The following ZNF385D variants were observed in gnomAD, a reference collection of about 807,000 sequenced individuals.
ZNF385D encodes the protein zinc finger protein 659.
Under a neutral mutation model 35.8 loss-of-function variants are expected in ZNF385D, and 15 were observed. The ratio of observed to expected loss-of-function variants is 0.42; its 90% confidence interval spans 0.28 to 0.64. ZNF385D has a LOEUF of 0.64. Ranked by LOEUF, ZNF385D falls within the 30% of genes least tolerant of loss-of-function variation. ZNF385D has a pLI of 0.23. For synonymous variants in ZNF385D, 212 were observed against 186.8 expected (o/e 1.13, Z -1.10); for missense variants, 474 against 494.6 (o/e 0.96, Z 0.39).
chr3:22,007,956 T>C (rs1264467862), intron 3 of ZNF385D, among the ~76,000 whole-genome samples: 4 of 152,038 alleles, frequency 2.6e-5, no homozygotes, highest in Non-Finnish European at 5.9e-5. Context: ...TGCTTTCTCA[T>C]ACCTATGTAC....
chr3:21,892,083 T>C (rs1410843423), intron 3 of ZNF385D, among the ~76,000 whole-genome samples: 4 of 152,192 alleles, frequency 2.6e-5, no homozygotes, highest in Non-Finnish European at 5.9e-5. Context: ...AAACTTTTCT[T>C]CAAAAATTAA....
At chr3:21,557,682 A>T (rs1375133771) in intron 3 of ZNF385D, among the ~76,000 whole-genome samples, 2 of 152,208 alleles carry the variant, frequency 1.3e-5, no homozygotes, top group African/African-American at 2.4e-5. Context: ...TCATAAAATA[A>T]GTTAGGGAGG....
intron 2 of ZNF385D, among the ~76,000 whole-genome samples, chr3:22,300,388 AT>A (rs34889320): frequency 0.68 from 99,637 of 147,172 alleles, 33,845 homozygotes; most frequent in African/African-American, 0.79. Flanking sequence ...CTGGGCAATG[AT>A]TTTTTTTTTT....
At chr3:21,486,909 A>G (rs998933391) in intron 4 of ZNF385D, among the ~76,000 whole-genome samples, 6 of 152,168 alleles carry the variant, frequency 3.9e-5, no homozygotes, top group African/African-American at 7.2e-5. Context: ...CATGCAAAGC[A>G]TTAGGAAAAT....
chr3:21,822,767 T>A (rs1176877099), intron 3 of ZNF385D, among the ~76,000 whole-genome samples: 1 of 152,002 alleles, frequency 6.6e-6, no homozygotes, highest in Non-Finnish European at 1.5e-5. Context: ...AGTATAATGA[T>A]ATTCATCAAC....
chr3:21,974,962 G>A (rs995913005), intron 3 of ZNF385D, among the ~76,000 whole-genome samples: 1 of 152,178 alleles, frequency 6.6e-6, no homozygotes, highest in Admixed American at 6.5e-5. Context: ...CTCGAACACT[G>A]TTAGTGGAAA....
rs151249038 is a variant in ZNF385D, at chr3:21,995,983, C to A, written c.325+172834G>T. Among the ~76,000 whole-genome samples, 227 of 152,212 alleles carry A rather than the reference C, an allele frequency of 1.5e-3. 1 individual carries two copies. Among genetic ancestry groups the A allele is most frequent in the South Asian group, 3.5e-3 (17 of 4,830 alleles). ...GACCTGGCTGCACCACTGAGTCTAG[C>A]TGACATCGTGATCCTGCAGCCCTTT... is the stretch of plus-strand genomic sequence containing the variant. On this transcript the variant is annotated intron_variant, in intron 3 of 5. Coordinates refer to the ZNF385D transcript ENST00000494108.
At chr3:22,136,999 G>A (rs537484616) in intron 3 of ZNF385D, among the ~76,000 whole-genome samples, 2 of 152,262 alleles carry the variant, frequency 1.3e-5, no homozygotes, top group African/African-American at 4.8e-5. Flanking sequence ...TCATGTAGTG[G>A]TGGATATATA....
chr3:21,433,629 G>T (rs1038186756), intron 5 of ZNF385D, among the ~76,000 whole-genome samples: 3 of 152,146 alleles, frequency 2.0e-5, no homozygotes, highest in Non-Finnish European at 4.4e-5. Flanking sequence ...TGTCTTCTCT[G>T]AATGCAGACA....
chr3:21,794,410 A>G (rs1345553509), intron 3 of ZNF385D, among the ~76,000 whole-genome samples: 2 of 152,092 alleles, frequency 1.3e-5, no homozygotes, highest in African/African-American at 4.8e-5. Context: ...GACAGAAAAC[A>G]CAGTGGATTA....
intron 4 of ZNF385D, among the ~76,000 whole-genome samples, chr3:21,449,351 C>T (rs1380656344): frequency 2.0e-5 from 3 of 151,506 alleles, no homozygotes; most frequent in Non-Finnish European, 2.9e-5. Context: ...TATTCCATTT[C>T]ACTCGTTGGG....
At chr3:21,601,568 T>G (rs556664803) in intron 2 of ZNF385D, among the ~76,000 whole-genome samples, 7 of 152,360 alleles carry the variant, frequency 4.6e-5, no homozygotes, top group Non-Finnish European at 1.0e-4. Context: ...AGCAACTTCT[T>G]CACTTTTATA....
chr3:22,028,151 G>T lies in ZNF385D; in HGVS notation c.325+140666C>A, dbSNP rs183513047. 1.0e-3 allele frequency among the ~76,000 whole-genome samples: 157 copies of T among 152,270 alleles called. 4 individuals are homozygous for T. In the East Asian group the frequency reaches 0.023, roughly 22 times the overall value. ...GCTTGGAAAACTGGTAACAAATTTGGGGAAGAGGTATGTGGATGGTCACCT... is the reference window on the plus strand; with the variant it reads ...GCTTGGAAAACTGGTAACAAATTTGTGGAAGAGGTATGTGGATGGTCACCT... On this transcript the variant is annotated intron_variant, in intron 3 of 5. Coordinates refer to the ZNF385D transcript ENST00000494108.
intron 1 of ZNF385D, among the ~76,000 whole-genome samples, chr3:21,744,425 T>C (rs1258505534): frequency 6.6e-6 from 1 of 152,186 alleles, no homozygotes; most frequent in Middle Eastern, 3.2e-3. Flanking sequence ...ACTAAAGCCC[T>C]GCAAATTGTA....
At chr3:21,867,956 C>T (rs1414818185) in intron 3 of ZNF385D, among the ~76,000 whole-genome samples, 3 of 152,068 alleles carry the variant, frequency 2.0e-5, no homozygotes, top group African/African-American at 7.2e-5. Flanking sequence ...TGGGTAGTGG[C>T]CACTATATTG....
At chr3:22,308,704 G>C (rs1268605862) in intron 2 of ZNF385D, among the ~76,000 whole-genome samples, 1 of 152,074 alleles carries the variant, frequency 6.6e-6, no homozygotes, top group Non-Finnish European at 1.5e-5. Flanking sequence ...GCCAGACTCA[G>C]AGTATTCTGA....
intron 1 of ZNF385D, among the ~76,000 whole-genome samples, chr3:21,747,238 C>T (rs555707623): frequency 6.6e-6 from 1 of 152,296 alleles, no homozygotes; most frequent in East Asian, 1.9e-4. Flanking sequence ...CTGCCCTTTT[C>T]TCTAGGTTTA....
intron 2 of ZNF385D, among the ~76,000 whole-genome samples, chr3:22,355,691 A>T (rs1696118548): frequency 6.6e-6 from 1 of 152,012 alleles, no homozygotes; most frequent in Non-Finnish European, 1.5e-5. Flanking sequence ...TCTAAAAATC[A>T]ACGTATCAGA....
At chr3:22,060,541 C>T (rs1699636677) in intron 3 of ZNF385D, among the ~76,000 whole-genome samples, 1 of 152,076 alleles carries the variant, frequency 6.6e-6, no homozygotes, top group Non-Finnish European at 1.5e-5. Context: ...AGCATGTTTC[C>T]TTTTTAGAAA....
Sources: allele counts gnomAD v4.1 joint callset (sites outside exome capture counted in the v4.1 genomes callset), GRCh38; gene constraint gnomAD v4.1.1; transcripts MANE v1.5; gene names NCBI Gene and HGNC (gene_info 2026-07-23, HGNC 2026-07-21).